Variants in PPP2R2B observed in about 807,000 individuals in gnomAD.
PPP2R2B encodes serine/threonine-protein phosphatase 2A 55 kDa regulatory subunit B beta isoform.
PPP2R2B carries 5 observed loss-of-function variants against 46.0 expected under a neutral mutation model. That is an observed-to-expected ratio of 0.11 (90% CI 0.06 to 0.23). The LOEUF (loss-of-function observed/expected upper bound fraction) is 0.23. PPP2R2B is among the 10% of genes least tolerant of loss of function. The pLI is 1.00. For synonymous variants in PPP2R2B, 215 were observed against 206.7 expected (o/e 1.04, Z -0.34); for missense variants, 367 against 575.0 (o/e 0.64, Z 3.70).
intron 1 of PPP2R2B, among the ~76,000 whole-genome samples, chr5:147,044,668 G>A (rs1034398037): frequency 6.6e-6 from 1 of 152,078 alleles, no homozygotes; most frequent in Non-Finnish European, 1.5e-5. Flanking sequence ...TGGGTTGTAG[G>A]ACGATGAAAG....
intron 1 of PPP2R2B, among the ~76,000 whole-genome samples, chr5:146,911,943 C>T (rs1452668621): frequency 1.3e-5 from 2 of 152,096 alleles, no homozygotes; most frequent in Non-Finnish European, 2.9e-5. Context: ...AGTGTATATT[C>T]AGTTCCCTAA....
intron 1 of PPP2R2B, chr5:147,035,375 C>G (rs1207170469): frequency 3.8e-6 from 1 of 263,892 alleles, no homozygotes; most frequent in African/African-American, 2.4e-5. Context: ...ATCACCTCCC[C>G]CGAGTTCCCT....
Position 146,878,066 on chromosome 5 carries a change from C to T in PPP2R2B, c.6G>A (p.Glu2=). The stretch of plus-strand genomic sequence containing the variant: ...TGATTTTGCGGGTATCAATGTCCTC[C>T]TCCATTGACAGCAGGCTTACTTGCG... M[E]EDIDTRKINN... is the part of the protein sequence containing the mutation. The change falls in exon 2 of 10, where the codon GAG becomes GAA. Residue 2 remains glutamate, a synonymous_variant. Transcript: ENST00000394411. The surrounding 1 kb of genome is among the most constrained non-coding windows in gnomAD (Gnocchi z 4.5). 6.2e-7 allele frequency: 1 copy of T among 1,614,192 alleles called. No individual in the cohort carries two copies.
chr5:146,897,932 G>A (rs950374055), intron 1 of PPP2R2B, among the ~76,000 whole-genome samples: 4 of 152,220 alleles, frequency 2.6e-5, no homozygotes, highest in African/African-American at 7.2e-5. Context: ...GCTCACGCCT[G>A]TAATCCCAGC....
At chr5:146,888,612 T>C (rs892891140) in intron 1 of PPP2R2B, among the ~76,000 whole-genome samples, 1 of 152,200 alleles carries the variant, frequency 6.6e-6, no homozygotes, top group South Asian at 2.1e-4. Flanking sequence ...ATTGGCTTCC[T>C]ACACATTCAG....
chr5:146,787,296 T>C (rs1195376380), intron 2 of PPP2R2B, among the ~76,000 whole-genome samples: 1 of 152,188 alleles, frequency 6.6e-6, no homozygotes, highest in Non-Finnish European at 1.5e-5. Flanking sequence ...CAGCTAACTG[T>C]GGTCATGAAG....
At chr5:147,079,445 C>CATATATATATACATATATATATATACAT (rs1757903934) in intron 2 of PPP2R2B, among the ~76,000 whole-genome samples, 1 of 132,304 alleles carries the variant, frequency 7.6e-6, no homozygotes, top group African/African-American at 2.8e-5. Context: ...TATATATATA[C>CATATATATATACATATATATATATACAT]ATATATATAT....
intron 5 of PPP2R2B, 57 bp from the exon 6 acceptor site, chr5:146,650,781 G>A: frequency 3.3e-6 from 5 of 1,502,354 alleles, no homozygotes; most frequent in Non-Finnish European, 4.6e-6. Flanking sequence ...TAGGAAAAGA[G>A]TGTGCATGCT....
chr5:146,675,480 G>A (rs982332532), intron 5 of PPP2R2B, among the ~76,000 whole-genome samples: 1 of 152,112 alleles, frequency 6.6e-6, no homozygotes, highest in Admixed American at 6.6e-5. Flanking sequence ...TTTGCCCAGT[G>A]AATGAAAGGA....
At chr5:146,676,784 T>A (rs986321856) in intron 5 of PPP2R2B, among the ~76,000 whole-genome samples, 1 of 152,212 alleles carries the variant, frequency 6.6e-6, no homozygotes, top group African/African-American at 2.4e-5. Flanking sequence ...TCATAGTACC[T>A]GGCTTACAGT....
At chr5:146,976,507 C>T (rs1038605664) in intron 1 of PPP2R2B, among the ~76,000 whole-genome samples, 1 of 151,998 alleles carries the variant, frequency 6.6e-6, no homozygotes. Context: ...GTATATGGTA[C>T]AAAGGTAAGG....
chr5:146,740,130 G>T (rs1752778547), intron 2 of PPP2R2B, among the ~76,000 whole-genome samples: 1 of 152,190 alleles, frequency 6.6e-6, no homozygotes, highest in Admixed American at 6.5e-5. Context: ...AGCTAGAAAA[G>T]ACTTCTCAGA....
At chr5:146,905,486 C>T (rs2151801268) in intron 1 of PPP2R2B, among the ~76,000 whole-genome samples, 1 of 152,204 alleles carries the variant, frequency 6.6e-6, no homozygotes, top group Non-Finnish European at 1.5e-5. Context: ...TCCAGTGATC[C>T]TCCAGCCATG....
intron 1 of PPP2R2B, among the ~76,000 whole-genome samples, chr5:147,025,289 T>A (rs1412531276): frequency 6.6e-6 from 1 of 151,902 alleles, no homozygotes; most frequent in Non-Finnish European, 1.5e-5. Flanking sequence ...TAAAAAATCA[T>A]CCCCAAAATG....
intron 1 of PPP2R2B, among the ~76,000 whole-genome samples, chr5:146,929,425 A>C (rs1314123244): frequency 6.6e-6 from 1 of 152,174 alleles, no homozygotes; most frequent in Non-Finnish European, 1.5e-5. Context: ...GTTTTAGAAA[A>C]CATGCACCAA....
At chr5:146,592,037 A>G in intron 9 of PPP2R2B, 1 of 375,200 alleles carries the variant, frequency 2.7e-6, no homozygotes, top group Admixed American at 3.6e-5. Context: ...TAATATATGA[A>G]TAAATAAATA....
intron 6 of PPP2R2B, among the ~76,000 whole-genome samples, chr5:146,642,827 T>C (rs1259314883): frequency 6.6e-6 from 1 of 152,180 alleles, no homozygotes; most frequent in Non-Finnish European, 1.5e-5. Flanking sequence ...GAGTCCAAGA[T>C]GCGTGGATCA....
intron 2 of PPP2R2B, among the ~76,000 whole-genome samples, chr5:146,857,080 G>T (rs904777821): frequency 6.6e-6 from 1 of 152,142 alleles, no homozygotes; most frequent in Non-Finnish European, 1.5e-5. Flanking sequence ...GCCAAAGTAG[G>T]GTCCTGTGGA....
At chr5:146,761,030 T>A (rs970247864) in intron 2 of PPP2R2B, among the ~76,000 whole-genome samples, 4 of 151,492 alleles carry the variant, frequency 2.6e-5, no homozygotes, top group Admixed American at 6.6e-5. Flanking sequence ...GCTGGAGAGG[T>A]TGTGGAGAAA....
Sources: allele counts gnomAD v4.1 joint callset (sites outside exome capture counted in the v4.1 genomes callset), GRCh38; gene constraint gnomAD v4.1.1; non-coding constraint Gnocchi (gnomAD v3.1); transcripts MANE v1.5; gene names NCBI Gene and HGNC (gene_info 2026-07-23, HGNC 2026-07-21).